Variants in CAMSAP2 observed in about 807,000 individuals in gnomAD.
CAMSAP2 encodes the protein calmodulin regulated spectrin associated protein family member 2, also known as calmodulin-regulated spectrin-associated protein 2.
Under a neutral mutation model 146.1 loss-of-function variants are expected in CAMSAP2, and 26 were observed. The observed-to-expected ratio is 0.18, with a 90% CI of 0.13 to 0.25. The LOEUF (loss-of-function observed/expected upper bound fraction) is 0.25, where lower values mean the gene tolerates loss of function less well. Among genes scored for constraint, CAMSAP2 ranks in the 10% least tolerant of loss-of-function variants. The pLI is 1.00. For synonymous variants in CAMSAP2, 499 were observed against 596.6 expected (o/e 0.84, Z 2.38); for missense variants, 1,381 against 1,759.3 (o/e 0.78, Z 3.85).
In CAMSAP2 at chr1:200,745,831, T is replaced by C. The variant is rs147494124; in HGVS notation, c.139+5865T>C. ...AACTTATTTTCTAATTTACGTTTTA[T>C]AGAATTTTGTCTCGTAACAGATTTT... On this transcript the variant is annotated intron_variant, in intron 1 of 16. Transcript: ENST00000358823. Among the ~76,000 whole-genome samples the C allele has an allele frequency of 1.3e-3, 193 of 152,374 alleles. 1 individual carries two copies. Among genetic ancestry groups the C allele is most frequent in the African/African-American group, 4.4e-3 (182 of 41,588 alleles).
chr1:200,854,731 T>C, intron 13 of CAMSAP2, 86 bp from the exon 14 acceptor site: 1 of 916,338 alleles, frequency 1.1e-6, no homozygotes, highest in Non-Finnish European at 1.7e-6. Flanking sequence ...TGGTGTTATC[T>C]AATGAACAGA....
intron 2 of CAMSAP2, among the ~76,000 whole-genome samples, chr1:200,786,620 G>C (rs1236351244): frequency 6.6e-6 from 1 of 152,194 alleles, no homozygotes; most frequent in Non-Finnish European, 1.5e-5. Context: ...GACCTCAGGT[G>C]ATCCACCAAC....
chr1:200,741,956 A>G (rs1571704409), intron 1 of CAMSAP2, among the ~76,000 whole-genome samples: 1 of 152,338 alleles, frequency 6.6e-6, no homozygotes, highest in East Asian at 1.9e-4. Context: ...TAAGTGGCAG[A>G]AGTGAGTTTT....
At chr1:200,829,610 C>T (rs940891635) in intron 4 of CAMSAP2, among the ~76,000 whole-genome samples, 32 of 151,686 alleles carry the variant, frequency 2.1e-4, no homozygotes, top group Admixed American at 1.7e-3. Flanking sequence ...TTTACATCCT[C>T]GATAATAAAA....
chr1:200,782,482 G>A (rs1373507491), intron 2 of CAMSAP2, among the ~76,000 whole-genome samples: 1 of 151,978 alleles, frequency 6.6e-6, no homozygotes, highest in Non-Finnish European at 1.5e-5. Flanking sequence ...CCCACTTCAG[G>A]CATCCATTAA....
At chr1:200,747,144 C>G (rs1003364756) in intron 1 of CAMSAP2, among the ~76,000 whole-genome samples, 1 of 152,132 alleles carries the variant, frequency 6.6e-6, no homozygotes, top group African/African-American at 2.4e-5. Context: ...AGCACTTTTC[C>G]TGCCTCGGCT....
chr1:200,824,898 G>A (rs1203768299), intron 4 of CAMSAP2, among the ~76,000 whole-genome samples: 1 of 152,126 alleles, frequency 6.6e-6, no homozygotes, highest in African/African-American at 2.4e-5. Context: ...AGAATTGCTT[G>A]AGCCCGGGAG....
chr1:200,802,758 G>T (rs1328353115), intron 2 of CAMSAP2, among the ~76,000 whole-genome samples: 1 of 151,998 alleles, frequency 6.6e-6, no homozygotes, highest in Non-Finnish European at 1.5e-5. Context: ...CTTAATTTAT[G>T]AGGCTAAAAA....
intron 7 of CAMSAP2, among the ~76,000 whole-genome samples, chr1:200,844,564 A>T (rs66530019): frequency 0.13 from 20,450 of 151,904 alleles, 1,435 homozygotes; most frequent in East Asian, 0.17. Context: ...AAGAAAGAAA[A>T]TTTTTTTTAA....
chr1:200,800,634 CTT>C (rs1666009182), intron 2 of CAMSAP2, among the ~76,000 whole-genome samples: 1 of 152,116 alleles, frequency 6.6e-6, no homozygotes, highest in Admixed American at 6.6e-5. Flanking sequence ...CAATCTTTGT[CTT>C]TTAACTGGGG....
intron 2 of CAMSAP2, among the ~76,000 whole-genome samples, chr1:200,768,370 C>T (rs1665016516): frequency 6.6e-6 from 1 of 152,162 alleles, no homozygotes; most frequent in African/African-American, 2.4e-5. Flanking sequence ...TTAGCACTAG[C>T]TGCCTTTTGA....
intron 2 of CAMSAP2, among the ~76,000 whole-genome samples, chr1:200,776,509 G>A (rs760791154): frequency 9.9e-5 from 15 of 152,136 alleles, no homozygotes; most frequent in Non-Finnish European, 2.2e-4. Flanking sequence ...AGAGGAAGAA[G>A]AACTTGAGGG....
intron 2 of CAMSAP2, among the ~76,000 whole-genome samples, chr1:200,767,477 C>CTTTTTTTT (rs11298176): frequency 2.2e-5 from 3 of 138,138 alleles, no homozygotes; most frequent in African/African-American, 8.0e-5. Flanking sequence ...TGTTGTCCCT[C>CTTTTTTTT]TTTTTTTTTT....
intron 1 of CAMSAP2, among the ~76,000 whole-genome samples, chr1:200,759,854 T>A (rs1175151632): frequency 6.6e-6 from 1 of 152,138 alleles, no homozygotes; most frequent in Non-Finnish European, 1.5e-5. Context: ...AGAGCCCAGG[T>A]AAGAAATGGA....
At position 200,830,581 on chromosome 1, in the gene CAMSAP2, G is replaced by A. The variant is rs190132692; in HGVS notation, c.646-1619G>A. On this transcript the variant is annotated intron_variant, in intron 4 of 16. Coordinates refer to ENST00000358823, the MANE Select transcript of CAMSAP2 (RefSeq NM_203459.4). ...TGGAACAGATACTAATTGTGAGAAC[G>A]GTAGCTTAAGCCTAGAAGATACCGC... 5.9e-5 allele frequency among the ~76,000 whole-genome samples: 9 copies of A among 152,258 alleles called. No individual in the cohort carries two copies. In the South Asian group the frequency reaches 1.7e-3, roughly 28 times the overall value.
chr1:200,758,467 G>C (rs763856218), intron 1 of CAMSAP2, among the ~76,000 whole-genome samples: 1 of 152,106 alleles, frequency 6.6e-6, no homozygotes, highest in African/African-American at 2.4e-5. Context: ...TCACCATCAC[G>C]CTGAGGCAGC....
intron 3 of CAMSAP2, among the ~76,000 whole-genome samples, chr1:200,814,254 A>C (rs1279034316): frequency 6.6e-6 from 1 of 152,090 alleles, no homozygotes; most frequent in Non-Finnish European, 1.5e-5. Context: ...AAGAGACCAA[A>C]ATGCTTAAAG....
chr1:200,817,416 C>G (rs1012736162), intron 4 of CAMSAP2, among the ~76,000 whole-genome samples: 5 of 152,048 alleles, frequency 3.3e-5, no homozygotes, highest in Admixed American at 3.3e-4. Context: ...GTGTGTTTGT[C>G]ATATGCTAAG....
intron 1 of CAMSAP2, among the ~76,000 whole-genome samples, chr1:200,750,995 C>T (rs552268834): frequency 5.3e-5 from 8 of 150,396 alleles, no homozygotes; most frequent in South Asian, 2.1e-4. Flanking sequence ...CTCCAACTCC[C>T]GGGTTCAAGG....
Sources: gnomAD v4.1 joint callset for allele counts (sites outside exome capture counted in the v4.1 genomes callset) on GRCh38, gnomAD v4.1.1 for gene constraint, MANE v1.5 for transcripts, NCBI Gene and HGNC (gene_info 2026-07-23, HGNC 2026-07-21) for gene names.